ABCC9: variants seen among roughly 807,000 people sequenced by gnomAD.
ABCC9 encodes the protein ATP-binding cassette sub-family C member 9.
A neutral mutation model predicts 188.3 loss-of-function variants in ABCC9; 95 were observed. That is an observed-to-expected ratio of 0.50 (90% confidence interval 0.43 to 0.60). The LOEUF (loss-of-function observed/expected upper bound fraction) is 0.60, where lower values mean the gene tolerates loss of function less well. Ranked by LOEUF, ABCC9 falls within the 20% of genes least tolerant of loss-of-function variation. ABCC9 has a pLI of 0.00. For synonymous variants in ABCC9, 659 were observed against 652.7 expected, an observed-to-expected ratio of 1.01 and a Z score of -0.15; for missense variants, 1,102 against 1,876.3, an observed-to-expected ratio of 0.59 and a Z score of 7.62.
At chr12:21,901,865 A>T (rs1473273320) in intron 12 of ABCC9, among the ~76,000 whole-genome samples, 1 of 152,204 alleles carries the variant, frequency 6.6e-6, no homozygotes, top group Non-Finnish European at 1.5e-5. Context: ...GGAGACTTTA[A>T]CACCCCACTG....
chr12:21,918,711 T>C (rs1413429768), intron 5 of ABCC9, among the ~76,000 whole-genome samples: 1 of 152,066 alleles, frequency 6.6e-6, no homozygotes, highest in Non-Finnish European at 1.5e-5. Flanking sequence ...TCTCACCAGG[T>C]TCTAGGTATT....
intron 2 of ABCC9, among the ~76,000 whole-genome samples, chr12:21,939,881 C>T (rs775003199): frequency 6.6e-6 from 1 of 152,162 alleles, no homozygotes; most frequent in Non-Finnish European, 1.5e-5. Context: ...TGGCAAGAAT[C>T]GCACCCTCAG....
intron 6 of ABCC9, 34 bp from the exon 7 acceptor site, chr12:21,915,944 A>G (rs1948586612): frequency 1.3e-6 from 2 of 1,590,732 alleles, no homozygotes; most frequent in African/African-American, 2.7e-5. Context: ...TATAACAATT[A>G]GTCCAATTAT....
chr12:21,825,680 A>G (rs1358235402), intron 31 of ABCC9, among the ~76,000 whole-genome samples: 1 of 152,106 alleles, frequency 6.6e-6, no homozygotes, highest in Non-Finnish European at 1.5e-5. Context: ...CATTAGGAGA[A>G]ATACCCAATG....
At chr12:21,910,060 C>A in intron 10 of ABCC9, 97 bp downstream of exon 10, 1 of 1,217,434 alleles carries the variant, frequency 8.2e-7, no homozygotes, top group Non-Finnish European at 1.2e-6. Context: ...TTTGCACATT[C>A]AAAAACTATA....
intron 12 of ABCC9, among the ~76,000 whole-genome samples, chr12:21,896,475 G>T (rs1327032017): frequency 6.6e-6 from 1 of 152,150 alleles, no homozygotes; most frequent in African/African-American, 2.4e-5. Context: ...GGATACATGT[G>T]CAGGATATGC....
intron 3 of ABCC9, among the ~76,000 whole-genome samples, chr12:21,934,779 T>G (rs1215493720): frequency 1.3e-5 from 2 of 152,042 alleles, no homozygotes; most frequent in East Asian, 3.8e-4. Flanking sequence ...CAAATGGGGG[T>G]TTGGGCTTGA....
chr12:21,886,529 T>A (rs1288213489), intron 15 of ABCC9, among the ~76,000 whole-genome samples: 1 of 152,192 alleles, frequency 6.6e-6, no homozygotes, highest in Admixed American at 6.5e-5. Flanking sequence ...TTATAATGAC[T>A]TCTTTACTGA....
chr12:21,929,347 A>G (rs1023242184), intron 4 of ABCC9, among the ~76,000 whole-genome samples: 1 of 152,094 alleles, frequency 6.6e-6, no homozygotes, highest in African/African-American at 2.4e-5. Flanking sequence ...GCAAACTAAA[A>G]AGGATTCCTA....
intron 25 of ABCC9, 22 bp from the exon 26 acceptor site, chr12:21,845,854 T>G: frequency 6.3e-7 from 1 of 1,588,666 alleles, no homozygotes; most frequent in Non-Finnish European, 8.6e-7. Flanking sequence ...AAACTTTTGT[T>G]TAAGCTTCAG....
rs756078959 is a variant in ABCC9 at position 21,845,809 on chromosome 12, C to T, written c.2890G>A (p.Asp964Asn). 2 of 1,613,552 alleles carry T rather than the reference C, an allele frequency of 1.2e-6. No individual in the cohort carries two copies. The highest frequency in any genetic ancestry group is 1.7e-6 in the Non-Finnish European group (2 of 1,179,784). ...CTCATTACAGTGGACATGTTATCAT[C>T]CTCATCTTCCTCCTCTTCTTCCTCT... ...DEEEEEEEDE[D>N]DNMSTVMRLR... Residue 964 changes from aspartate to asparagine, a missense_variant, in exon 26 of 40, where the codon GAT becomes AAT. Around this residue, in one of 12 missense-constraint regions of ABCC9, gnomAD observed 131 missense variants for 170.2 expected, o/e 0.77. Coordinates refer to ENST00000261200, the MANE Select transcript of ABCC9 (RefSeq NM_020297.4).
intron 31 of ABCC9, among the ~76,000 whole-genome samples, chr12:21,821,861 CA>C (rs1477330193): frequency 2.0e-5 from 3 of 152,018 alleles, no homozygotes; most frequent in African/African-American, 7.2e-5. Flanking sequence ...GAAGACTCAT[CA>C]ATAAGTTGTA....
intron 31 of ABCC9, among the ~76,000 whole-genome samples, chr12:21,826,702 A>C (rs981553277): frequency 6.6e-6 from 1 of 152,216 alleles, no homozygotes; most frequent in Non-Finnish European, 1.5e-5. Context: ...GTGTTTATCC[A>C]TATAAAGTTA....
chr12:21,830,319 A>G (rs1177571134), intron 30 of ABCC9, among the ~76,000 whole-genome samples: 2 of 152,210 alleles, frequency 1.3e-5, no homozygotes, highest in Non-Finnish European at 2.9e-5. Flanking sequence ...AGGCTGGATA[A>G]TATAATAAAA....
chr12:21,854,537 A>G (rs1381264159), intron 22 of ABCC9, among the ~76,000 whole-genome samples: 2 of 152,192 alleles, frequency 1.3e-5, no homozygotes, highest in Non-Finnish European at 2.9e-5. Context: ...TCTTTGGATG[A>G]CAAGGGAAAT....
chr12:21,843,858 C>T (rs902885763), intron 28 of ABCC9, among the ~76,000 whole-genome samples: 1 of 152,186 alleles, frequency 6.6e-6, no homozygotes, highest in Non-Finnish European at 1.5e-5. Flanking sequence ...TTTCGGTATT[C>T]CGAATGCTAC....
In ABCC9 at chr12:21,890,980, A is replaced by AT. The variant is rs202238956; in HGVS notation, c.1803-3047dup. On this transcript the variant is annotated intron_variant, in intron 14 of 39. Transcript: ENST00000261200. ...AAACTTACAGTATAATAATAATAAA[A>AT]TTTAAAAAAAAAAATCTTTACTGAC... Among the ~76,000 whole-genome samples the AT allele has an allele frequency of 1.7e-4, 26 of 151,700 alleles. No individual in the cohort carries two copies. The East Asian group carries it at 3.9e-3, about 23-fold the overall frequency.
At chr12:21,880,841 G>A (rs1187764312) in intron 16 of ABCC9, among the ~76,000 whole-genome samples, 3 of 152,090 alleles carry the variant, frequency 2.0e-5, no homozygotes, top group South Asian at 2.1e-4. Flanking sequence ...TGCACATACC[G>A]TACAACTCAG....
intron 4 of ABCC9, 130 bp downstream of exon 4, chr12:21,933,650 CAA>C: frequency 1.0e-6 from 1 of 960,996 alleles, no homozygotes; most frequent in Non-Finnish European, 1.6e-6. Context: ...GAACTTCCTG[CAA>C]GAGCTACATG....
Sources: gnomAD v4.1 joint callset for allele counts (sites outside exome capture counted in the v4.1 genomes callset) on GRCh38, gnomAD v4.1.1 for gene constraint, gnomAD v4.1.1 regional missense constraint, MANE v1.5 for transcripts, NCBI Gene and HGNC (gene_info 2026-07-23, HGNC 2026-07-21) for gene names.